PTPRD: variants seen among roughly 807,000 people sequenced by gnomAD.
PTPRD encodes receptor-type tyrosine-protein phosphatase delta.
Under a neutral mutation model 214.5 loss-of-function variants are expected in PTPRD, and 34 were observed. The ratio of observed to expected loss-of-function variants is 0.16; its 90% CI spans 0.12 to 0.21. PTPRD has a LOEUF of 0.21. Among genes scored for constraint, PTPRD ranks in the 10% least tolerant of loss-of-function variants. PTPRD has a pLI of 1.00. For missense variants in PTPRD, 2,545 were observed against 2,398.7 expected, an observed-to-expected ratio of 1.06 and a Z score of -1.27; for synonymous variants, 1,128 against 845.7, an observed-to-expected ratio of 1.33 and a Z score of -5.79.
At chr9:9,533,714 A>T (rs2075966496) in intron 8 of PTPRD, among the ~76,000 whole-genome samples, 1 of 151,978 alleles carries the variant, frequency 6.6e-6, no homozygotes, top group Non-Finnish European at 1.5e-5. Context: ...ATTAATGATG[A>T]TCTCTCAGTC....
chr9:9,446,703 G>A (rs987494675), intron 8 of PTPRD, among the ~76,000 whole-genome samples: 1 of 152,052 alleles, frequency 6.6e-6, no homozygotes, highest in Non-Finnish European at 1.5e-5. Context: ...TACAGCAAAA[G>A]GAATGGTCAA....
At chr9:9,641,470 TC>T (rs34891314) in intron 7 of PTPRD, among the ~76,000 whole-genome samples, 129 of 152,210 alleles carry the variant, frequency 8.5e-4, no homozygotes, top group African/African-American at 2.9e-3. Flanking sequence ...CTGAGCACAC[TC>T]CCCGCTAGAA....
Position 10,278,857 on chromosome 9 carries a change from C to T in PTPRD, c.-545+62106G>A, listed in dbSNP as rs147724189. ...TAGCGCGATCTCGGCTCACTGCAAG[C>T]TCCGTCTCCTTGGTTCAAGCCATTC... On this transcript the variant is annotated intron_variant, in intron 3 of 45. Transcript: ENST00000381196. Among the ~76,000 whole-genome samples the T allele has an allele frequency of 2.4e-3, 368 of 152,134 alleles. 5 individuals carry two copies. In the East Asian group the frequency reaches 0.056, roughly 23 times the overall value.
intron 10 of PTPRD, among the ~76,000 whole-genome samples, chr9:9,031,147 G>A (rs1321383109): frequency 2.6e-5 from 4 of 151,902 alleles, no homozygotes; most frequent in Non-Finnish European, 5.9e-5. Flanking sequence ...GATTTCATGT[G>A]GTGACTTGTT....
intron 5 of PTPRD, among the ~76,000 whole-genome samples, chr9:9,937,789 G>T (rs913348917): frequency 6.6e-6 from 1 of 152,106 alleles, no homozygotes; most frequent in South Asian, 2.1e-4. Context: ...AGTTCTTACA[G>T]TGTATGAAAA....
intron 3 of PTPRD, among the ~76,000 whole-genome samples, chr9:10,231,956 TAGAG>T (rs56151511): frequency 0.084 from 9,133 of 108,192 alleles, 374 homozygotes; most frequent in Middle Eastern, 0.13. Context: ...GGGAATGAAT[TAGAG>T]AGAGAGAGAG....
At chr9:9,652,006 T>A (rs1211517133) in intron 7 of PTPRD, among the ~76,000 whole-genome samples, 2 of 151,334 alleles carry the variant, frequency 1.3e-5, no homozygotes, top group African/African-American at 2.4e-5. Flanking sequence ...GGCTAATTTT[T>A]GTTTTTTTGT....
chr9:8,748,742 T>C (rs1272590270), intron 11 of PTPRD, among the ~76,000 whole-genome samples: 3 of 151,756 alleles, frequency 2.0e-5, no homozygotes, highest in African/African-American at 7.3e-5. Flanking sequence ...AGAAATCCCA[T>C]CTCTACTAAA....
chr9:10,025,501 T>C (rs1426815173), intron 4 of PTPRD, among the ~76,000 whole-genome samples: 1 of 152,156 alleles, frequency 6.6e-6, no homozygotes, highest in Non-Finnish European at 1.5e-5. Context: ...CAGCCAGATT[T>C]AAGCTGGTTT....
intron 3 of PTPRD, among the ~76,000 whole-genome samples, chr9:10,212,135 C>G (rs144857461): frequency 2.4e-3 from 368 of 152,150 alleles, no homozygotes; most frequent in Non-Finnish European, 3.9e-3. Flanking sequence ...CTCTCAGTGA[C>G]AACTTCAGAG....
chr9:8,558,479 T>C (rs2084866522), intron 14 of PTPRD, among the ~76,000 whole-genome samples: 1 of 152,296 alleles, frequency 6.6e-6, no homozygotes, highest in East Asian at 1.9e-4. Flanking sequence ...ATTCCCCATA[T>C]AGCACCTCCC....
intron 11 of PTPRD, among the ~76,000 whole-genome samples, chr9:8,742,138 T>C (rs143395379): frequency 6.6e-6 from 1 of 152,284 alleles, no homozygotes; most frequent in African/African-American, 2.4e-5. Context: ...AATAAACTAA[T>C]ATGTCAGTCA....
intron 11 of PTPRD, among the ~76,000 whole-genome samples, chr9:8,735,538 G>T (rs1006762366): frequency 2.0e-5 from 3 of 152,288 alleles, no homozygotes; most frequent in Non-Finnish European, 2.9e-5. Flanking sequence ...CCAGTCCAGA[G>T]ACCACACTTT....
chr9:8,473,099 G>A (rs370390788), intron 30 of PTPRD, among the ~76,000 whole-genome samples: 3 of 152,100 alleles, frequency 2.0e-5, no homozygotes, highest in South Asian at 2.1e-4. Flanking sequence ...ATGAAATTCC[G>A]TGAGCTGCAG....
intron 3 of PTPRD, among the ~76,000 whole-genome samples, chr9:10,240,421 G>C (rs1431106626): frequency 6.6e-6 from 1 of 151,720 alleles, no homozygotes; most frequent in Non-Finnish European, 1.5e-5. Context: ...AGAAAGGTGA[G>C]GAAAAACGCC....
intron 9 of PTPRD, among the ~76,000 whole-genome samples, chr9:9,233,477 T>G (rs2099964473): frequency 6.6e-6 from 1 of 152,164 alleles, no homozygotes. Context: ...CTCATGTTCT[T>G]ACATTTCAAA....
intron 10 of PTPRD, among the ~76,000 whole-genome samples, chr9:9,161,423 TA>T (rs2099888548): frequency 1.3e-5 from 2 of 152,174 alleles, no homozygotes; most frequent in Non-Finnish European, 2.9e-5. Flanking sequence ...CTTTTACTCA[TA>T]TTTTATTTGC....
At chr9:10,272,871 T>C (rs1251365583) in intron 3 of PTPRD, among the ~76,000 whole-genome samples, 3 of 152,234 alleles carry the variant, frequency 2.0e-5, no homozygotes, top group Non-Finnish European at 4.4e-5. Context: ...TGAAGACTTT[T>C]ATCTTAACTT....
intron 14 of PTPRD, among the ~76,000 whole-genome samples, chr9:8,597,456 G>T (rs184700870): frequency 6.6e-6 from 1 of 151,574 alleles, no homozygotes. Context: ...GTTCCACAAA[G>T]AATTTACCAA....
Sources: allele counts gnomAD v4.1 joint callset (sites outside exome capture counted in the v4.1 genomes callset), GRCh38; gene constraint gnomAD v4.1.1; transcripts MANE v1.5; gene names NCBI Gene and HGNC (gene_info 2026-07-23, HGNC 2026-07-21).